The following DSCAML1 variants were observed in gnomAD, a reference collection of about 807,000 sequenced individuals.
DSCAML1 encodes the protein cell adhesion molecule DSCAML1.
Under a neutral mutation model 200.5 loss-of-function variants are expected in DSCAML1, and 38 were observed. That is an observed-to-expected ratio of 0.19 (90% confidence interval 0.15 to 0.25). DSCAML1 has a LOEUF of 0.25. Ranked by LOEUF, DSCAML1 falls within the 10% of genes least tolerant of loss-of-function variation. The pLI is 1.00. For missense variants in DSCAML1, 2,223 were observed against 2,858.8 expected, an observed-to-expected ratio of 0.78 and a Z score of 5.07; for synonymous variants, 1,215 against 1,165.0, an observed-to-expected ratio of 1.04 and a Z score of -0.87.
At chr11:117,667,638 C>G (rs2053006331) in intron 3 of DSCAML1, among the ~76,000 whole-genome samples, 1 of 152,216 alleles carries the variant, frequency 6.6e-6, no homozygotes, top group African/African-American at 2.4e-5. Flanking sequence ...CAGTTTCCCA[C>G]TAGCCCCTCA....
chr11:117,703,346 T>C (rs1389547994), intron 3 of DSCAML1, among the ~76,000 whole-genome samples: 4 of 152,186 alleles, frequency 2.6e-5, no homozygotes, highest in Non-Finnish European at 5.9e-5. Flanking sequence ...CTGGAATTCT[T>C]TTGTCTGCTC....
At chr11:117,524,709 TC>T in intron 5 of DSCAML1, 95 bp downstream of exon 5, 1 of 1,430,914 alleles carries the variant, frequency 7.0e-7, no homozygotes, top group Non-Finnish European at 9.4e-7. Flanking sequence ...CAGGGCCTGG[TC>T]AGAGACAGGT....
At chr11:117,776,639 TG>T in intron 3 of DSCAML1, 151 bp downstream of exon 3, 3 of 910,914 alleles carry the variant, frequency 3.3e-6, no homozygotes, top group Non-Finnish European at 4.9e-6. Context: ...TTTTTTTTTT[TG>T]GCCAAAGCTT....
chr11:117,764,513 A>T (rs1427152696), intron 3 of DSCAML1, among the ~76,000 whole-genome samples: 1 of 152,264 alleles, frequency 6.6e-6, no homozygotes. Context: ...GCACACAGGA[A>T]GCACTCAGAA....
chr11:117,543,787 A>AT (rs1485004513), intron 3 of DSCAML1, among the ~76,000 whole-genome samples: 1 of 141,060 alleles, frequency 7.1e-6, no homozygotes, highest in Non-Finnish European at 1.5e-5. Flanking sequence ...TATGCACTGC[A>AT]TGCTTATAGG....
intron 1 of DSCAML1, among the ~76,000 whole-genome samples, chr11:117,795,455 C>CG (rs2055553576): frequency 6.7e-6 from 1 of 149,850 alleles, no homozygotes; most frequent in African/African-American, 2.5e-5. Flanking sequence ...GACTGGGGTT[C>CG]GGGGGTGGGG....
intron 3 of DSCAML1, among the ~76,000 whole-genome samples, chr11:117,701,303 A>C (rs1355754172): frequency 6.6e-6 from 1 of 151,830 alleles, no homozygotes; most frequent in East Asian, 1.9e-4. Context: ...ATAAGGCAAA[A>C]CTGAAGGAGA....
At chr11:117,727,036 T>C (rs2054144427) in intron 3 of DSCAML1, among the ~76,000 whole-genome samples, 1 of 152,172 alleles carries the variant, frequency 6.6e-6, no homozygotes. Flanking sequence ...GATAGTACAC[T>C]GTACTATCCA....
chr11:117,539,606 C>CAAAAAAAAAA (rs35130897), intron 3 of DSCAML1, among the ~76,000 whole-genome samples: 9 of 52,602 alleles, frequency 1.7e-4, no homozygotes, highest in Non-Finnish European at 2.5e-4. Flanking sequence ...AAAACTCTGT[C>CAAAAAAAAAA]AAAAAAAAAA....
At chr11:117,788,991 C>T (rs1460497548) in intron 1 of DSCAML1, among the ~76,000 whole-genome samples, 1 of 152,168 alleles carries the variant, frequency 6.6e-6, no homozygotes, top group Non-Finnish European at 1.5e-5. Flanking sequence ...CATTCCATCC[C>T]TCCCCCAACT....
intron 3 of DSCAML1, among the ~76,000 whole-genome samples, chr11:117,707,679 G>A (rs376474775): frequency 9.9e-4 from 151 of 152,164 alleles, no homozygotes; most frequent in African/African-American, 2.2e-3. Context: ...GACTACAGGC[G>A]TGTGCCACCA....
intron 3 of DSCAML1, among the ~76,000 whole-genome samples, chr11:117,670,706 G>A (rs1212739959): frequency 3.3e-5 from 5 of 152,194 alleles, no homozygotes; most frequent in African/African-American, 9.7e-5. Context: ...TGAAAGGGCT[G>A]TGCCTCTGTG....
In DSCAML1 at chr11:117,516,774, A is replaced by G. The variant is rs767424513; in HGVS notation, c.1511-35T>C. On this transcript the variant is annotated intron_variant, in intron 7 of 32. Transcript: ENST00000651296. This position sits in a 1 kb window ranked among gnomAD's most constrained non-coding sequence, Gnocchi z 5.7. ...AGTCAGAAGAGAGGAGGAGGAGGAG[A>G]AGGGCATGTGCTGCTGTCAGCCAGG... The G allele has an allele frequency of 6.3e-7, 1 of 1,587,810 alleles. No individual in the cohort carries two copies.
At chr11:117,814,972 G>A (rs1350024237) in intron 1 of DSCAML1, among the ~76,000 whole-genome samples, 2 of 152,204 alleles carry the variant, frequency 1.3e-5, no homozygotes, top group South Asian at 2.1e-4. Flanking sequence ...GCACGCACTC[G>A]GTTACTGATT....
intron 5 of DSCAML1, 86 bp from the exon 6 acceptor site, chr11:117,521,491 G>A (rs759213305): frequency 1.8e-5 from 25 of 1,416,146 alleles, no homozygotes; most frequent in Non-Finnish European, 2.2e-5. Flanking sequence ...TGTAGCTGGG[G>A]GTAGTTAGGG....
intron 3 of DSCAML1, among the ~76,000 whole-genome samples, chr11:117,728,915 G>C (rs1399787829): frequency 6.6e-6 from 1 of 152,154 alleles, no homozygotes; most frequent in Non-Finnish European, 1.5e-5. Flanking sequence ...TCCATAAGCT[G>C]ATCTTTAAAA....
At chr11:117,488,503 C>A (rs938006643) in intron 11 of DSCAML1, among the ~76,000 whole-genome samples, 1 of 151,968 alleles carries the variant, frequency 6.6e-6, no homozygotes, top group Non-Finnish European at 1.5e-5. Flanking sequence ...GTCATATGCA[C>A]TCACCAGGAG....
intron 3 of DSCAML1, among the ~76,000 whole-genome samples, chr11:117,555,846 T>G (rs913370875): frequency 6.6e-6 from 1 of 151,450 alleles, no homozygotes; most frequent in Non-Finnish European, 1.5e-5. Flanking sequence ...CAGCTCTGAT[T>G]CATGGAAAGC....
intron 3 of DSCAML1, among the ~76,000 whole-genome samples, chr11:117,615,723 AT>A (rs776630197): frequency 6.6e-6 from 1 of 152,118 alleles, no homozygotes; most frequent in Non-Finnish European, 1.5e-5. Flanking sequence ...GGAAAAAAAA[AT>A]CACCCTTACC....
Sources: gnomAD v4.1 joint callset for allele counts (sites outside exome capture counted in the v4.1 genomes callset) on GRCh38, gnomAD v4.1.1 for gene constraint, Gnocchi (gnomAD v3.1) non-coding constraint, MANE v1.5 for transcripts, NCBI Gene and HGNC (gene_info 2026-07-23, HGNC 2026-07-21) for gene names.